Variants in B4GALT1 observed in about 807,000 individuals in gnomAD.
The protein encoded by B4GALT1 is N-acetyllactosamine synthase.
In B4GALT1, 16 loss-of-function variants were observed where a neutral mutation model predicts 34.9. The ratio of observed to expected loss-of-function variants is 0.46; its 90% confidence interval spans 0.31 to 0.70. B4GALT1 has a LOEUF of 0.70. Among genes scored for constraint, B4GALT1 ranks in the 30% least tolerant of loss-of-function variants. The pLI, the probability that B4GALT1 is intolerant of heterozygous loss-of-function variation, is 0.05. For synonymous variants in B4GALT1, 221 were observed against 218.1 expected, an observed-to-expected ratio of 1.01 and a Z score of -0.12; for missense variants, 445 against 530.5, an observed-to-expected ratio of 0.84 and a Z score of 1.58.
At chr9:33,105,423 G>C (rs889381516) in intron 2 of B4GALT1, among the ~76,000 whole-genome samples, 5 of 152,166 alleles carry the variant, frequency 3.3e-5, no homozygotes, top group Admixed American at 1.3e-4. Flanking sequence ...TTACAGACAT[G>C]AGCCACCAAG....
At chr9:33,183,101 A>G in the B4GALT1 span, among the ~76,000 whole-genome samples, 13 of 152,274 alleles carry the variant, frequency 8.5e-5, no homozygotes, top group African/African-American at 3.1e-4. Context: ...GAAATAAAAA[A>G]TTCATAAGTT....
At chr9:33,123,567 C>T (rs1045028523) in intron 2 of B4GALT1, among the ~76,000 whole-genome samples, 2 of 152,112 alleles carry the variant, frequency 1.3e-5, no homozygotes, top group African/African-American at 4.8e-5. Context: ...ATGCACTAGA[C>T]CCCCAGGGCT....
chr9:33,126,125 G>A (rs567787180), intron 2 of B4GALT1, among the ~76,000 whole-genome samples: 4 of 152,230 alleles, frequency 2.6e-5, no homozygotes, highest in South Asian at 2.1e-4. Flanking sequence ...GGACAGATCC[G>A]GGGGCAGGTC....
chr9:33,124,227 A>G (rs1361052536), intron 2 of B4GALT1, among the ~76,000 whole-genome samples: 1 of 152,136 alleles, frequency 6.6e-6, no homozygotes, highest in Admixed American at 6.5e-5. Flanking sequence ...CCCACCACTC[A>G]CAAGAGGCGG....
intron 1 of B4GALT1, among the ~76,000 whole-genome samples, chr9:33,151,359 G>C (rs1840515370): frequency 6.6e-6 from 1 of 152,056 alleles, no homozygotes; most frequent in African/African-American, 2.4e-5. Context: ...ATCAGTTTTG[G>C]AGCCCCAGCA....
chr9:33,151,329 C>A (rs1840514991), intron 1 of B4GALT1, among the ~76,000 whole-genome samples: 2 of 152,226 alleles, frequency 1.3e-5, no homozygotes, highest in African/African-American at 2.4e-5. Context: ...AGTTTTATTA[C>A]TGAGTCAGCT....
At chr9:33,172,746 G>T in the B4GALT1 span, among the ~76,000 whole-genome samples, 1 of 151,880 alleles carries the variant, frequency 6.6e-6, no homozygotes, top group African/African-American at 2.4e-5. Flanking sequence ...ACCAGCCTGG[G>T]TAACATCTCT....
intron 1 of B4GALT1, among the ~76,000 whole-genome samples, chr9:33,137,100 G>A (rs551589760): frequency 1.3e-5 from 2 of 152,202 alleles, no homozygotes; most frequent in African/African-American, 2.4e-5. Flanking sequence ...ATACAGCCCC[G>A]ACCATATTAC....
At chr9:33,152,414 G>C (rs934335132) in intron 1 of B4GALT1, among the ~76,000 whole-genome samples, 2 of 151,722 alleles carry the variant, frequency 1.3e-5, no homozygotes, top group Admixed American at 1.3e-4. Context: ...AAGAGTGACA[G>C]ATGGAGAGAC....
At chr9:33,131,712 CAACA>C (rs1481055779) in intron 2 of B4GALT1, among the ~76,000 whole-genome samples, 3 of 152,180 alleles carry the variant, frequency 2.0e-5, no homozygotes, top group African/African-American at 7.2e-5. Context: ...TTTATTTGCT[CAACA>C]AACAGTGCAG....
At chr9:33,181,282 G>T in the B4GALT1 span, among the ~76,000 whole-genome samples, 22,826 of 152,000 alleles carry the variant, frequency 0.15, 2,173 homozygotes, top group Non-Finnish European at 0.21. Flanking sequence ...TTAGCCAGGC[G>T]TGGTGGTGGT....
chr9:33,148,354 T>C (rs1216454470), intron 1 of B4GALT1, among the ~76,000 whole-genome samples: 1 of 152,230 alleles, frequency 6.6e-6, no homozygotes, highest in Non-Finnish European at 1.5e-5. Flanking sequence ...ATGCTGATTA[T>C]TCACGGAGAC....
At chr9:33,139,087 G>A (rs1214917466) in intron 1 of B4GALT1, among the ~76,000 whole-genome samples, 1 of 152,154 alleles carries the variant, frequency 6.6e-6, no homozygotes, top group Non-Finnish European at 1.5e-5. Flanking sequence ...TGAAATGTCT[G>A]TTAACTGCAA....
At chr9:33,177,548 A>G in the B4GALT1 span, 11 of 152,292 alleles carry the variant, frequency 7.2e-5, no homozygotes, top group Admixed American at 3.3e-4. Context: ...CTATGATGGC[A>G]AAGTTAAGTA....
At position 33,113,362 on chromosome 9, in the gene B4GALT1, T is replaced by C; in HGVS notation, c.*92A>G. 6.3e-7 allele frequency: 1 copy of C among 1,587,804 alleles called. No homozygotes were observed. The highest frequency in any genetic ancestry group is 8.6e-7 in the Non-Finnish European group (1 of 1,157,656). ...GAAGGGGACCTGTCACTCAGACTGG[T>C]AAAAATGAGAGGGACCAGCCCAGCA... On this transcript the variant is annotated 3_prime_UTR_variant, in exon 6 of 6. Transcript: ENST00000379731.
In B4GALT1 at chr9:33,166,828, C is replaced by A. The variant is rs1466133672; in HGVS notation, c.342G>T (p.Leu114Phe). Residue 114 changes from leucine (L) to phenylalanine (F), a missense_variant, in exon 1 of 6, where the codon TTG becomes TTT. Transcript: ENST00000379731. ...VDSGPGPASN[L>F]TSVPVPHTTA... The stretch of plus-strand genomic sequence containing the variant: ...TGGTGTGGGGCACTGGGACCGAGGT[C>A]AAGTTGCTAGCGGGGCCAGGGCCAG... The A allele has an allele frequency of 1.9e-6, 3 of 1,552,974 alleles. No homozygotes were observed. The highest frequency in any genetic ancestry group is 1.9e-5 in the Admixed American group (1 of 53,640).
the B4GALT1 span, among the ~76,000 whole-genome samples, chr9:33,175,020 T>TATAAAA: frequency 2.0e-4 from 8 of 39,076 alleles, 1 homozygote; most frequent in Non-Finnish European, 3.9e-4. Flanking sequence ...TATATATATA[T>TATAAAA]AAAATTGGAG....
Position 33,135,210 on chromosome 9 carries a change from A to G in B4GALT1, c.627T>C (p.Tyr209=). 6.2e-7 allele frequency: 1 copy of G among 1,614,098 alleles called. No homozygotes were observed. The highest frequency in any genetic ancestry group is 8.5e-7 in the Non-Finnish European group (1 of 1,180,002). ...TCACCTGGTTGATAACATAGATGCC[A>G]TAGTCCAGCTGCTGGCGCTGCAGGA... is the stretch of plus-strand genomic sequence containing the variant. The part of the protein sequence containing the change: ...HPVLQRQQLD[Y]GIYVINQAGD... Residue 209 remains tyrosine (Y), a synonymous_variant, in exon 2 of 6, where the codon TAT becomes TAC. Coordinates refer to ENST00000379731, the MANE Select transcript of B4GALT1 (RefSeq NM_001497.4).
Position 33,166,744 on chromosome 9 carries a change from A to G in B4GALT1, c.412+14T>C. The G allele has an allele frequency of 6.7e-7, 1 of 1,497,090 alleles. No individual in the cohort carries two copies. Among genetic ancestry groups the G allele is most frequent in the Admixed American group, 2.2e-5 (1 of 44,570 alleles). 92.7% of individuals were successfully genotyped at this position (1,497,090 alleles called of 1,614,324 possible). On this transcript the variant is annotated intron_variant, in intron 1 of 5. Transcript: ENST00000379731. The stretch of plus-strand genomic sequence containing the variant: ...GGTCCCAATCCTCCGACTGGCGCCG[A>G]CCCGAGTCCTTACCAAGCAGCGGGG...
Sources: allele counts gnomAD v4.1 joint callset (sites outside exome capture counted in the v4.1 genomes callset), GRCh38; gene constraint gnomAD v4.1.1; transcripts MANE v1.5; gene names NCBI Gene and HGNC (gene_info 2026-07-23, HGNC 2026-07-21).